Variants in CCDC7 observed in about 807,000 individuals in gnomAD.
The protein encoded by CCDC7 is coiled-coil domain containing 7.
A neutral mutation model predicts 196.9 loss-of-function variants in CCDC7; 183 were observed. The ratio of observed to expected loss-of-function variants is 0.93; its 90% confidence interval spans 0.82 to 1.05. The LOEUF (loss-of-function observed/expected upper bound fraction) is 1.05, where lower values mean the gene tolerates loss of function less well. CCDC7 is among the 50% of genes least tolerant of loss of function. The pLI is 0.00. For missense variants in CCDC7, 1,540 were observed against 1,482.2 expected, an observed-to-expected ratio of 1.04 and a Z score of -0.64; for synonymous variants, 525 against 484.6, an observed-to-expected ratio of 1.08 and a Z score of -1.10.
chr10:32,664,884 C>T (rs2072307766), intron 21 of CCDC7, among the ~76,000 whole-genome samples: 1 of 151,900 alleles, frequency 6.6e-6, no homozygotes, highest in African/African-American at 2.4e-5. Flanking sequence ...TTTGAGGAAT[C>T]CCTGTAGTGT....
At chr10:32,462,590 G>T in intron 3 of CCDC7, 93 bp from the exon 5 acceptor site, 2 of 1,030,402 alleles carry the variant, frequency 1.9e-6, no homozygotes, top group South Asian at 1.8e-5. Context: ...ACATTTTTGT[G>T]ATTGAAAATT....
intron 20 of CCDC7, among the ~76,000 whole-genome samples, chr10:32,654,098 T>A (rs950678107): frequency 1.3e-5 from 2 of 152,190 alleles, no homozygotes; most frequent in African/African-American, 4.8e-5. Flanking sequence ...TTTAAAATAG[T>A]CCTTTGATTC....
At chr10:32,601,515 A>G (rs1455409262) in intron 18 of CCDC7, among the ~76,000 whole-genome samples, 1 of 152,100 alleles carries the variant, frequency 6.6e-6, no homozygotes, top group African/African-American at 2.4e-5. Flanking sequence ...GGAGCTTTCT[A>G]TTCCACCATT....
chr10:32,767,215 C>T (rs377528973), intron 28 of CCDC7, among the ~76,000 whole-genome samples: 3 of 152,176 alleles, frequency 2.0e-5, no homozygotes, highest in South Asian at 4.2e-4. Context: ...TTGGAGGGGA[C>T]ACATATGCAC....
chr10:32,636,841 A>T (rs557455714), intron 20 of CCDC7, among the ~76,000 whole-genome samples: 2 of 152,304 alleles, frequency 1.3e-5, no homozygotes, highest in South Asian at 2.1e-4. Flanking sequence ...TTACAGTCCC[A>T]CCAACAGTGT....
intron 24 of CCDC7, among the ~76,000 whole-genome samples, chr10:32,696,212 G>A (rs766474808): frequency 5.9e-5 from 9 of 152,170 alleles, no homozygotes; most frequent in South Asian, 2.1e-4. Context: ...CCATAATGAT[G>A]GAAGTATGTA....
At chr10:32,490,865 TTC>T (rs776145739) in intron 8 of CCDC7, among the ~76,000 whole-genome samples, 2 of 152,234 alleles carry the variant, frequency 1.3e-5, no homozygotes, top group Non-Finnish European at 2.9e-5. Flanking sequence ...TTTTAAATTA[TTC>T]TCTCTTACCT....
chr10:32,634,792 AT>A, intron 19 of CCDC7, among the ~76,000 whole-genome samples: 1 of 152,200 alleles, frequency 6.6e-6, no homozygotes, highest in Non-Finnish European at 1.5e-5. Context: ...TTTGACCTAA[AT>A]GTGAATACTG....
At chr10:32,547,004 C>G (rs1204736699) in intron 13 of CCDC7, among the ~76,000 whole-genome samples, 1 of 151,728 alleles carries the variant, frequency 6.6e-6, no homozygotes, top group Non-Finnish European at 1.5e-5. Flanking sequence ...CCTCTTCTTC[C>G]TCTTCCTCCT....
intron 11 of CCDC7, among the ~76,000 whole-genome samples, chr10:32,534,445 C>T (rs1296409133): frequency 6.6e-6 from 1 of 151,990 alleles, no homozygotes; most frequent in Non-Finnish European, 1.5e-5. Flanking sequence ...GTTATGATTT[C>T]TTGTTTGCTG....
chr10:32,602,427 T>G (rs2061150245), intron 18 of CCDC7, among the ~76,000 whole-genome samples: 1 of 152,186 alleles, frequency 6.6e-6, no homozygotes, highest in African/African-American at 2.4e-5. Context: ...GACACAGACT[T>G]CTGACAAAGT....
chr10:32,744,890 C>G (rs1342931049), intron 28 of CCDC7, among the ~76,000 whole-genome samples: 1 of 152,112 alleles, frequency 6.6e-6, no homozygotes, highest in African/African-American at 2.4e-5. Flanking sequence ...AAAGTCATCT[C>G]CATGCCCAAT....
intron 35 of CCDC7, 121 bp from the exon 37 acceptor site, chr10:32,845,755 A>G (rs2093251463): frequency 9.1e-7 from 1 of 1,093,292 alleles, no homozygotes. Context: ...CTTCATGAAT[A>G]CCCTTCCATA....
chr10:32,812,789 C>A (rs1406723513), intron 30 of CCDC7, among the ~76,000 whole-genome samples: 2 of 151,944 alleles, frequency 1.3e-5, no homozygotes, highest in Non-Finnish European at 2.9e-5. Context: ...TCATTTTTTT[C>A]CCTGATTGTG....
intron 13 of CCDC7, among the ~76,000 whole-genome samples, chr10:32,561,253 T>C (rs1009884932): frequency 1.3e-5 from 2 of 152,200 alleles, no homozygotes; most frequent in South Asian, 2.1e-4. Context: ...ATTAGACAGA[T>C]CAACGAGACA....
At chr10:32,859,993 A>T (rs1593535288) in intron 41 of CCDC7, among the ~76,000 whole-genome samples, 1 of 152,220 alleles carries the variant, frequency 6.6e-6, no homozygotes, top group Non-Finnish European at 1.5e-5. Context: ...TACGAAGAGG[A>T]GCTGGTACCA....
chr10:32,836,924 C>A (rs1460631552), intron 33 of CCDC7, among the ~76,000 whole-genome samples: 2 of 152,096 alleles, frequency 1.3e-5, no homozygotes, highest in Non-Finnish European at 2.9e-5. Flanking sequence ...AAAATTAATT[C>A]AAGATGGATT....
At chr10:32,867,767 A>C (rs2094257246) in intron 41 of CCDC7, among the ~76,000 whole-genome samples, 1 of 151,830 alleles carries the variant, frequency 6.6e-6, no homozygotes, top group Admixed American at 6.6e-5. Flanking sequence ...TAGTAAACAT[A>C]CATTACATAA....
intron 3 of CCDC7, among the ~76,000 whole-genome samples, chr10:32,459,996 T>C (rs541562325): frequency 4.9e-4 from 75 of 152,226 alleles, no homozygotes; most frequent in African/African-American, 1.8e-3. Flanking sequence ...GGACAACTGG[T>C]TATTTATAAA....
Sources: gnomAD v4.1 joint callset for allele counts (sites outside exome capture counted in the v4.1 genomes callset) on GRCh38, gnomAD v4.1.1 for gene constraint, MANE v1.5 for transcripts, NCBI Gene and HGNC (gene_info 2026-07-23, HGNC 2026-07-21) for gene names.